TSHZ3: variants seen among roughly 807,000 people sequenced by gnomAD.
The protein encoded by TSHZ3 is teashirt homolog 3.
In TSHZ3, 10 loss-of-function variants were observed where a neutral mutation model predicts 64.5. That is an observed-to-expected ratio of 0.16 (90% CI 0.10 to 0.26). The LOEUF is 0.26. Ranked by LOEUF, TSHZ3 falls within the 10% of genes least tolerant of loss-of-function variation. The pLI, the probability that TSHZ3 is intolerant of heterozygous loss-of-function variation, is 1.00. For synonymous variants in TSHZ3, 608 were observed against 593.1 expected (o/e 1.03, Z -0.36); for missense variants, 1,242 against 1,421.7 (o/e 0.87, Z 2.03).
At chr19:31,246,553 T>C (rs571354970) in intron 1 of TSHZ3, among the ~76,000 whole-genome samples, 31 of 151,828 alleles carry the variant, frequency 2.0e-4, no homozygotes, top group African/African-American at 6.5e-4. Flanking sequence ...AGCCCTAAGG[T>C]GCTGGATTGA....
intron 5 of TSHZ3, among the ~76,000 whole-genome samples, chr19:31,204,588 G>A (rs1039712821): frequency 6.6e-6 from 1 of 152,184 alleles, no homozygotes; most frequent in African/African-American, 2.4e-5. Flanking sequence ...GAATGTTGTT[G>A]TTATTGTTGT....
At chr19:31,285,654 G>A (rs549940522) in intron 1 of TSHZ3, among the ~76,000 whole-genome samples, 15 of 151,030 alleles carry the variant, frequency 9.9e-5, no homozygotes, top group African/African-American at 3.6e-4. Context: ...CATGGTGGCG[G>A]GTACCTGTAG....
At chr19:31,192,858 T>C (rs1458948399) in intron 5 of TSHZ3, among the ~76,000 whole-genome samples, 1 of 152,222 alleles carries the variant, frequency 6.6e-6, no homozygotes, top group Non-Finnish European at 1.5e-5. Flanking sequence ...CATGACAGTT[T>C]TTAGGATGAC....
chr19:31,192,288 C>T (rs538460692), intron 5 of TSHZ3, among the ~76,000 whole-genome samples: 148 of 152,106 alleles, frequency 9.7e-4, no homozygotes, highest in Non-Finnish European at 1.8e-3. Flanking sequence ...ATAAAAGTGG[C>T]CTTTTGGGGG....
In TSHZ3 at chr19:31,279,246, G is replaced by A. The variant is rs748489070; in HGVS notation, c.547C>T (p.Arg183Cys). 21 of 1,614,032 alleles carry A rather than the reference G, an allele frequency of 1.3e-5. No homozygotes were observed. Among genetic ancestry groups the A allele is most frequent in the Admixed American group, 3.3e-5 (2 of 60,002 alleles). The change falls in exon 2 of 2, where the codon CGC becomes TGC. Residue 183 changes from arginine (R) to cysteine (C), a missense_variant. Arg to Cys is a radical substitution (Grantham distance 180). Transcript: ENST00000240587. The surrounding 1 kb of genome is among the most constrained non-coding windows in gnomAD (Gnocchi z 6.4). ...AKTLQQVSQSRMLPEPSLFST... is the reference protein window; with the variant it reads ...AKTLQQVSQSCMLPEPSLFST... ...AAGAGGCTGGGCTCCGGGAGCATGC[G>A]GCTCTGTGACACCTGCTGCAGCGTC...
intron 3 of TSHZ3, among the ~76,000 whole-genome samples, chr19:31,230,670 C>G (rs1975526774): frequency 6.7e-6 from 1 of 149,490 alleles, no homozygotes. Context: ...AGCCCCATCA[C>G]TACCCCTGCT....
chr19:31,310,110 C>CGGAA (rs1176242592), intron 1 of TSHZ3, among the ~76,000 whole-genome samples: 1 of 152,198 alleles, frequency 6.6e-6, no homozygotes, highest in Non-Finnish European at 1.5e-5. Flanking sequence ...ATCTCCTTCC[C>CGGAA]ATCCCTGGAA....
At chr19:31,248,143 C>T (rs545243896) in intron 1 of TSHZ3, among the ~76,000 whole-genome samples, 7 of 152,034 alleles carry the variant, frequency 4.6e-5, no homozygotes, top group South Asian at 4.1e-4. Flanking sequence ...ACCTCCTGCA[C>T]GATTCACTTA....
intron 1 of TSHZ3, among the ~76,000 whole-genome samples, chr19:31,290,160 G>A (rs1199977675): frequency 6.6e-6 from 1 of 152,148 alleles, no homozygotes; most frequent in African/African-American, 2.4e-5. Context: ...CACACAATGG[G>A]CTGCTCAGAA....
chr19:31,256,896 A>G (rs904296517), intron 1 of TSHZ3, among the ~76,000 whole-genome samples: 2 of 152,106 alleles, frequency 1.3e-5, no homozygotes, highest in Admixed American at 1.3e-4. Flanking sequence ...AGCACCAAGG[A>G]CAGGACTGGA....
intron 5 of TSHZ3, among the ~76,000 whole-genome samples, chr19:31,171,623 C>A (rs996845319): frequency 1.3e-5 from 2 of 150,932 alleles, no homozygotes; most frequent in Admixed American, 6.6e-5. Context: ...AAAAAAAAAA[C>A]CCATAAACCT....
intron 3 of TSHZ3, among the ~76,000 whole-genome samples, chr19:31,240,529 C>T (rs939123604): frequency 1.3e-5 from 2 of 152,092 alleles, no homozygotes; most frequent in African/African-American, 4.8e-5. Context: ...ATGGAAAACT[C>T]CACTTTACAC....
At chr19:31,306,523 G>A (rs917447032) in intron 1 of TSHZ3, among the ~76,000 whole-genome samples, 3 of 152,156 alleles carry the variant, frequency 2.0e-5, no homozygotes, top group African/African-American at 4.8e-5. Flanking sequence ...ACACGTGCAC[G>A]TGCGTGGGTG....
At chr19:31,335,571 T>C (rs1309214394) in intron 1 of TSHZ3, among the ~76,000 whole-genome samples, 2 of 152,222 alleles carry the variant, frequency 1.3e-5, no homozygotes, top group African/African-American at 4.8e-5. Context: ...CTCAAGAGAC[T>C]GGTTGTCTCC....
intron 1 of TSHZ3, among the ~76,000 whole-genome samples, chr19:31,263,072 G>A (rs1976001530): frequency 6.6e-6 from 1 of 152,184 alleles, no homozygotes; most frequent in Non-Finnish European, 1.5e-5. Flanking sequence ...TCTTGGGTGA[G>A]CAGAAATGAC....
intron 1 of TSHZ3, among the ~76,000 whole-genome samples, chr19:31,286,739 G>C (rs1376369289): frequency 1.3e-5 from 2 of 152,008 alleles, no homozygotes; most frequent in Non-Finnish European, 2.9e-5. Flanking sequence ...CAGCCACGCA[G>C]AACCTTCTCA....
intron 3 of TSHZ3, among the ~76,000 whole-genome samples, chr19:31,232,646 G>A (rs908811289): frequency 1.3e-5 from 2 of 152,188 alleles, no homozygotes; most frequent in Admixed American, 6.5e-5. Context: ...CCACCACCCT[G>A]AGCAAGACAT....
chr19:31,284,638 G>A (rs1005891359), intron 1 of TSHZ3, among the ~76,000 whole-genome samples: 8 of 152,110 alleles, frequency 5.3e-5, no homozygotes, highest in South Asian at 2.1e-4. Context: ...TGGAGAATGC[G>A]GGAACCCACC....
chr19:31,311,157 T>C (rs1358667074), intron 1 of TSHZ3, among the ~76,000 whole-genome samples: 3 of 152,234 alleles, frequency 2.0e-5, no homozygotes, highest in Non-Finnish European at 1.5e-5. Context: ...AGACAGACTC[T>C]GGGCTAAGCA....
Sources: allele counts gnomAD v4.1 joint callset (sites outside exome capture counted in the v4.1 genomes callset), GRCh38; gene constraint gnomAD v4.1.1; non-coding constraint Gnocchi (gnomAD v3.1); transcripts MANE v1.5; gene names NCBI Gene and HGNC (gene_info 2026-07-23, HGNC 2026-07-21).